Variants in CCDC40 observed in about 807,000 individuals in gnomAD.
CCDC40 encodes coiled-coil domain-containing protein 40.
CCDC40 carries 104 observed loss-of-function variants against 124.5 expected under a neutral mutation model. That is an observed-to-expected ratio of 0.84 (90% CI 0.71 to 0.98). The LOEUF (loss-of-function observed/expected upper bound fraction) is 0.98, where lower values mean the gene tolerates loss of function less well. Ranked by LOEUF, CCDC40 falls within the 50% of genes least tolerant of loss-of-function variation. The probability of loss-of-function intolerance (pLI) is 0.00; values close to 1 mark genes in which losing one functional copy is unlikely to be tolerated. For synonymous variants in CCDC40, 580 were observed against 602.9 expected, an observed-to-expected ratio of 0.96 and a Z score of 0.56; for missense variants, 1,463 against 1,503.9, an observed-to-expected ratio of 0.97 and a Z score of 0.45.
intron 3 of CCDC40, among the ~76,000 whole-genome samples, chr17:80,045,503 A>G (rs2037398735): frequency 6.6e-6 from 1 of 152,220 alleles, no homozygotes; most frequent in South Asian, 2.1e-4. Flanking sequence ...CAGGAGTTCG[A>G]GACCGGCCTG....
At chr17:80,065,917 T>G (rs937763721) in intron 10 of CCDC40, among the ~76,000 whole-genome samples, 2 of 152,224 alleles carry the variant, frequency 1.3e-5, no homozygotes, top group Non-Finnish European at 2.9e-5. Context: ...GTCCCTTTGA[T>G]TTGCAGTATC....
chr17:80,078,636 T>G (rs1364143059), intron 10 of CCDC40, among the ~76,000 whole-genome samples: 1 of 152,214 alleles, frequency 6.6e-6, no homozygotes, highest in Non-Finnish European at 1.5e-5. Flanking sequence ...CGTTGATCTT[T>G]TTGTCATTCT....
In CCDC40 at chr17:80,088,400, C is replaced by T. The variant is rs145639825; in HGVS notation, c.2711+298C>T. 4,091 of 431,556 alleles carry T rather than the reference C, an allele frequency of 9.5e-3. 160 individuals are homozygous for T. Among genetic ancestry groups the T allele is most frequent in the African/African-American group, 0.075 (3,724 of 49,660 alleles). The allele number at this position is 431,556 out of a possible 1,614,324, so 26.7% of individuals were successfully genotyped here. A position where few individuals can be genotyped will look rare whatever the true frequency, so the allele number is the denominator to read the frequency against. On this transcript the variant is annotated intron_variant, in intron 16 of 19. Transcript: ENST00000397545. ...CTGAGTAGCTGGGATTACAGGTGCC[C>T]GCCACCATGCCTCACTAATTTTTGT...
At chr17:80,041,694 T>C (rs947563726) in intron 3 of CCDC40, among the ~76,000 whole-genome samples, 31 of 152,092 alleles carry the variant, frequency 2.0e-4, no homozygotes, top group Admixed American at 2.0e-3. Flanking sequence ...ACCTTGACCC[T>C]TGTGAAGGTC....
chr17:80,051,839 T>C (rs887404655), intron 7 of CCDC40, among the ~76,000 whole-genome samples: 1 of 152,174 alleles, frequency 6.6e-6, no homozygotes, highest in African/African-American at 2.4e-5. Flanking sequence ...GCCGTGGAGC[T>C]GGTGTGGAGC....
In CCDC40 at chr17:80,039,861, G is replaced by GT. The variant is rs770477466; in HGVS notation, c.144dup (p.Ser49Ter). ...GGCCAGAAAGGTGAAGAAGCTGTCG[G>GT]TAGCACAGAGCATCCTGAGGAAGTC... On this transcript the variant is annotated frameshift_variant, in exon 3 of 20. Coordinates refer to ENST00000397545, the MANE Select transcript of CCDC40 (RefSeq NM_017950.4). LOFTEE classifies it high-confidence loss of function. 6.2e-7 allele frequency: 1 copy of GT among 1,613,996 alleles called. No homozygotes were observed. Among genetic ancestry groups the GT allele is most frequent in the East Asian group, 2.2e-5 (1 of 44,868 alleles).
intron 3 of CCDC40, among the ~76,000 whole-genome samples, chr17:80,045,854 A>T (rs76308446): frequency 1.3e-5 from 2 of 152,042 alleles, no homozygotes; most frequent in African/African-American, 2.4e-5. Context: ...AAAAAAAAAA[A>T]ACACTTCTGC....
At chr17:80,037,690 G>GATTATATATATATATATATATAT (rs1555889146) in intron 1 of CCDC40, among the ~76,000 whole-genome samples, 11 of 92,076 alleles carry the variant, frequency 1.2e-4, no homozygotes, top group Non-Finnish European at 1.3e-4. Flanking sequence ...TTTTAAAAAA[G>GATTATATATATATATATATATAT]ATATACATAT....
At position 80,059,209 on chromosome 17, in the gene CCDC40, C is replaced by T. The variant is rs66942325; in HGVS notation, c.1440+229C>T. ...CTGGCTAGTGGGTGACAGAAGGCCT[C>T]GCAGGGTTCAGGTACTCTAGTCGCT... On this transcript the variant is annotated intron_variant, in intron 9 of 19. Transcript: ENST00000397545. Among the ~76,000 whole-genome samples the T allele has an allele frequency of 0.11, 16,531 of 152,228 alleles. 1,175 individuals are homozygous for T. The highest frequency in any genetic ancestry group is 0.25 in the East Asian group (1,311 of 5,158).
chr17:80,072,380 CATT>C (rs1312041984), intron 10 of CCDC40, among the ~76,000 whole-genome samples: 3 of 152,158 alleles, frequency 2.0e-5, no homozygotes, highest in African/African-American at 7.2e-5. Flanking sequence ...CAAGAAGACT[CATT>C]AGCATGTCAG....
In CCDC40 at chr17:80,088,101, G is replaced by A. The variant is rs1213630158; in HGVS notation, c.2710G>A (p.Glu904Lys). The A allele has an allele frequency of 6.2e-7, 1 of 1,611,000 alleles. No homozygotes were observed. Among genetic ancestry groups the A allele is most frequent in the South Asian group, 1.1e-5 (1 of 91,024 alleles). Residue 904 changes from glutamate (E) to lysine (K), a missense_variant and splice_region_variant, in exon 16 of 20, where the codon GAA becomes AAA. Physicochemically the swap from Glu to Lys is moderately conservative, Grantham distance 56. Transcript: ENST00000397545. ...CCTCCTGAATCAACTGGTGGAAGCAGAGTGAGTCCCAGTCTCCAGCCACAC... is the reference window on the plus strand; with the variant it reads ...CCTCCTGAATCAACTGGTGGAAGCAAAGTGAGTCCCAGTCTCCAGCCACAC... ...ATLLNQLVEA[E>K]HQIMLWEKKI...
chr17:80,072,305 G>A (rs562415394), intron 10 of CCDC40, among the ~76,000 whole-genome samples: 38 of 152,230 alleles, frequency 2.5e-4, no homozygotes, highest in African/African-American at 7.0e-4. Context: ...AAGTGATTGC[G>A]TTACAGGACA....
chr17:80,067,256 A>C (rs11867737), intron 10 of CCDC40: 5 of 467,784 alleles, frequency 1.1e-5, no homozygotes, highest in Non-Finnish European at 1.9e-5. Flanking sequence ...CCTCAGAGAC[A>C]TGGCTTCCTT....
chr17:80,059,003 T>G, intron 9 of CCDC40, 23 bp downstream of exon 9: 3 of 1,614,146 alleles, frequency 1.9e-6, no homozygotes, highest in Non-Finnish European at 2.5e-6. Flanking sequence ...CCCGCAGCTC[T>G]CAGTGTTCGA....
At chr17:80,051,098 G>A (rs539936774) in intron 7 of CCDC40, among the ~76,000 whole-genome samples, 15 of 152,172 alleles carry the variant, frequency 9.9e-5, no homozygotes, top group Non-Finnish European at 1.9e-4. Context: ...GTAGGTGACC[G>A]GGGACAGTGG....
chr17:80,071,085 C>G (rs2038175129), intron 10 of CCDC40, among the ~76,000 whole-genome samples: 1 of 152,246 alleles, frequency 6.6e-6, no homozygotes, highest in South Asian at 2.1e-4. Flanking sequence ...AGCCCACGGT[C>G]AGCCCCTTCC....
At position 80,068,046 on chromosome 17, in the gene CCDC40, G is replaced by T. The variant is rs1191229871; in HGVS notation, c.1562+2440G>T. On this transcript the variant is annotated intron_variant, in intron 10 of 19. Coordinates refer to ENST00000397545, the MANE Select transcript of CCDC40 (RefSeq NM_017950.4). ...AACTTTTATTTATTATATTTTTGTG[G>T]TTCTTGCAATGGAGTCTCGCTCTGT... 1.3e-5 allele frequency: 13 copies of T among 995,096 alleles called. No homozygotes were observed. The South Asian group carries it at 3.6e-4, about 28-fold the overall frequency. 61.6% of individuals were successfully genotyped at this position (995,096 alleles called of 1,614,324 possible). A position where few individuals can be genotyped will look rare whatever the true frequency, so the allele number is the denominator to read the frequency against.
chr17:80,067,328 A>C, intron 10 of CCDC40: 1 of 585,958 alleles, frequency 1.7e-6, no homozygotes, highest in Non-Finnish European at 3.0e-6. Flanking sequence ...GCCCGCAGTC[A>C]CTAGAACCCC....
chr17:80,039,457 G>A (rs113785059), intron 2 of CCDC40, among the ~76,000 whole-genome samples: 265 of 151,368 alleles, frequency 1.8e-3, no homozygotes, highest in African/African-American at 6.0e-3. Context: ...CTGTCTCCAG[G>A]CTGAAGTTCA....
Sources: allele counts gnomAD v4.1 joint callset (sites outside exome capture counted in the v4.1 genomes callset), GRCh38; gene constraint gnomAD v4.1.1; transcripts MANE v1.5; gene names NCBI Gene and HGNC (gene_info 2026-07-23, HGNC 2026-07-21).